The following PRELID2 variants were observed in gnomAD, a reference collection of about 807,000 sequenced individuals.
PRELID2 encodes the protein PRELI domain containing 2.
Under a neutral mutation model 28.4 loss-of-function variants are expected in PRELID2, and 25 were observed. That is an observed-to-expected ratio of 0.88 (90% CI 0.64 to 1.23). PRELID2 has a LOEUF of 1.23. Among genes scored for constraint, PRELID2 ranks in the 50% most tolerant of loss-of-function variants. PRELID2 has a pLI of 0.00. For synonymous variants in PRELID2, 76 were observed against 71.6 expected (o/e 1.06, Z -0.31); for missense variants, 201 against 214.4 (o/e 0.94, Z 0.39).
At chr5:145,614,404 T>C (rs1411419112) in intron 1 of PRELID2, among the ~76,000 whole-genome samples, 1 of 152,220 alleles carries the variant, frequency 6.6e-6, no homozygotes, top group Non-Finnish European at 1.5e-5. Context: ...GCAGATTGCC[T>C]TTGGCAGTAT....
At chr5:145,301,135 C>T in the PRELID2 span, among the ~76,000 whole-genome samples, 1 of 151,994 alleles carries the variant, frequency 6.6e-6, no homozygotes, top group African/African-American at 2.4e-5. Context: ...GTTCAGTTGA[C>T]CCACATCTTA....
At chr5:145,742,409 T>C (rs1260708104) in intron 1 of PRELID2, among the ~76,000 whole-genome samples, 2 of 146,066 alleles carry the variant, frequency 1.4e-5, no homozygotes, top group African/African-American at 2.5e-5. Flanking sequence ...GAGTTTTTTC[T>C]AACTCAGTAG....
At chr5:145,568,348 T>C (rs1752986610) in intron 1 of PRELID2, among the ~76,000 whole-genome samples, 1 of 152,158 alleles carries the variant, frequency 6.6e-6, no homozygotes, top group Non-Finnish European at 1.5e-5. Context: ...TTAACTCTTA[T>C]CCCTATCACT....
chr5:145,798,665 C>CAT (rs1477867780), intron 4 of PRELID2, among the ~76,000 whole-genome samples: 1 of 152,308 alleles, frequency 6.6e-6, no homozygotes, highest in East Asian at 1.9e-4. Flanking sequence ...AAATGTGGCA[C>CAT]ATATACACCA....
the PRELID2 span, among the ~76,000 whole-genome samples, chr5:145,233,847 T>C: frequency 6.6e-6 from 1 of 152,172 alleles, no homozygotes; most frequent in South Asian, 2.1e-4. Context: ...AATTAATAAC[T>C]CCTCCTTTAT....
chr5:145,641,665 C>G (rs1007321188), intron 1 of PRELID2, among the ~76,000 whole-genome samples: 4 of 151,368 alleles, frequency 2.6e-5, no homozygotes, highest in African/African-American at 9.8e-5. Flanking sequence ...TCCCCAAGCC[C>G]CCCAGGGGGG....
the PRELID2 span, among the ~76,000 whole-genome samples, chr5:145,361,033 T>C: frequency 2.0e-5 from 3 of 152,200 alleles, no homozygotes; most frequent in Non-Finnish European, 4.4e-5. Context: ...TTAAAGCCTA[T>C]GTAAAAATAT....
chr5:145,670,761 C>A (rs977239671), intron 1 of PRELID2, among the ~76,000 whole-genome samples: 2 of 152,178 alleles, frequency 1.3e-5, no homozygotes, highest in African/African-American at 4.8e-5. Context: ...GAGTTGGACT[C>A]ACCTCCAGGA....
intron 1 of PRELID2, among the ~76,000 whole-genome samples, chr5:145,514,932 GAAAT>G (rs1752503231): frequency 6.6e-6 from 1 of 152,124 alleles, no homozygotes; most frequent in African/African-American, 2.4e-5. Context: ...AATTAAGGCA[GAAAT>G]AAATAAGTTC....
chr5:145,690,013 A>T (rs1755114707), intron 1 of PRELID2, among the ~76,000 whole-genome samples: 1 of 141,484 alleles, frequency 7.1e-6, no homozygotes, highest in East Asian at 2.0e-4. Flanking sequence ...TTTTTGAGAC[A>T]AAGTCTAGCT....
At chr5:145,714,967 A>G (rs1755803124) in intron 1 of PRELID2, among the ~76,000 whole-genome samples, 1 of 152,076 alleles carries the variant, frequency 6.6e-6, no homozygotes, top group Admixed American at 6.6e-5. Context: ...GAGTATGTCG[A>G]TAACTTAATC....
chr5:145,718,062 A>G (rs953209077), intron 1 of PRELID2, among the ~76,000 whole-genome samples: 7 of 152,018 alleles, frequency 4.6e-5, no homozygotes, highest in Admixed American at 3.9e-4. Context: ...CAAATCTGAC[A>G]CTGCTATATT....
chr5:145,236,886 C>T, the PRELID2 span, among the ~76,000 whole-genome samples: 6 of 152,118 alleles, frequency 3.9e-5, no homozygotes, highest in Admixed American at 2.6e-4. Context: ...TTATTTTCCT[C>T]AGATGCATTC....
At chr5:145,656,507 G>A (rs921928327) in intron 1 of PRELID2, among the ~76,000 whole-genome samples, 5 of 152,010 alleles carry the variant, frequency 3.3e-5, no homozygotes, top group African/African-American at 1.2e-4. Flanking sequence ...CAACCCAAAT[G>A]TCCACTAATA....
intron 1 of PRELID2, among the ~76,000 whole-genome samples, chr5:145,593,161 T>C (rs1281149923): frequency 1.3e-5 from 2 of 152,156 alleles, no homozygotes; most frequent in Non-Finnish European, 2.9e-5. Context: ...ATTCATGATA[T>C]ATTTTGTTTC....
At chr5:145,265,452 C>T in the PRELID2 span, among the ~76,000 whole-genome samples, 3 of 151,910 alleles carry the variant, frequency 2.0e-5, no homozygotes, top group Non-Finnish European at 4.4e-5. Flanking sequence ...CTTCTTCACA[C>T]AACTAGAAAA....
intron 1 of PRELID2, among the ~76,000 whole-genome samples, chr5:145,536,483 C>A (rs1580970943): frequency 6.6e-6 from 1 of 151,892 alleles, no homozygotes; most frequent in Non-Finnish European, 1.5e-5. Context: ...CTCAACCTTG[C>A]ACTACTGGGT....
chr5:145,547,041 T>C (rs1752793918), intron 1 of PRELID2, among the ~76,000 whole-genome samples: 1 of 152,190 alleles, frequency 6.6e-6, no homozygotes, highest in Non-Finnish European at 1.5e-5. Context: ...GTCTGATATG[T>C]AGTAAATGCT....
intron 1 of PRELID2, among the ~76,000 whole-genome samples, chr5:145,521,036 G>C (rs531179668): frequency 6.6e-6 from 1 of 152,162 alleles, no homozygotes; most frequent in African/African-American, 2.4e-5. Context: ...TGTGTATATA[G>C]ATTCTAAGTT....
Sources: allele counts gnomAD v4.1 joint callset (sites outside exome capture counted in the v4.1 genomes callset), GRCh38; gene constraint gnomAD v4.1.1; transcripts MANE v1.5; gene names NCBI Gene and HGNC (gene_info 2026-07-23, HGNC 2026-07-21).